GAPVD1: variants seen among roughly 807,000 people sequenced by gnomAD.
The protein encoded by GAPVD1 is GTPase-activating protein and VPS9 domain-containing protein 1.
A neutral mutation model predicts 155.5 loss-of-function variants in GAPVD1; 35 were observed. The observed-to-expected ratio is 0.23, with a 90% CI of 0.17 to 0.30. The LOEUF is 0.30. Among genes scored for constraint, GAPVD1 ranks in the 10% least tolerant of loss-of-function variants. GAPVD1 has a pLI of 1.00. For synonymous variants in GAPVD1, 636 were observed against 619.7 expected (o/e 1.03, Z -0.39); for missense variants, 1,429 against 1,775.7 (o/e 0.80, Z 3.51).
chr9:125,326,484 G>A lies in GAPVD1; in HGVS notation c.1927G>A (p.Asp643Asn). Reference protein sequence around the residue: ...FEIRDMMGLTDDRDISETVSE... With the variant: ...FEIRDMMGLTNDRDISETVSE... ...AATTCGTGACATGATGGGATTAACAGATGATAGGGACATATCAGAAACAGT... is the reference window on the plus strand; with the variant it reads ...AATTCGTGACATGATGGGATTAACAAATGATAGGGACATATCAGAAACAGT... Residue 643 changes from aspartate to asparagine, a missense_variant, in exon 12 of 28, where the codon GAT (aspartate) becomes AAT (asparagine). Physicochemically the swap from Asp to Asn is conservative, Grantham distance 23. Transcript: ENST00000297933. The A allele has an allele frequency of 6.2e-7, 1 of 1,608,436 alleles. No homozygotes were observed. Among genetic ancestry groups the A allele is most frequent in the Non-Finnish European group, 8.5e-7 (1 of 1,174,798 alleles).
chr9:125,277,462 A>T (rs1263645221), intron 2 of GAPVD1, among the ~76,000 whole-genome samples: 2 of 152,152 alleles, frequency 1.3e-5, no homozygotes, highest in Non-Finnish European at 2.9e-5. Flanking sequence ...GAATGTATAG[A>T]AGTGTAGTTT....
At chr9:125,359,810 G>A (rs1850659151) in intron 26 of GAPVD1, 1 of 257,978 alleles carries the variant, frequency 3.9e-6, no homozygotes, top group Non-Finnish European at 7.4e-6. Flanking sequence ...TTGAAGAAGT[G>A]GGAGGCTGAT....
chr9:125,315,603 C>T (rs1022932303), intron 9 of GAPVD1, among the ~76,000 whole-genome samples: 4 of 151,990 alleles, frequency 2.6e-5, no homozygotes, highest in Non-Finnish European at 5.9e-5. Flanking sequence ...CTGATCTTTC[C>T]CAGGGCCGAG....
intron 23 of GAPVD1, among the ~76,000 whole-genome samples, chr9:125,353,438 C>T (rs760343752): frequency 2.0e-4 from 30 of 152,188 alleles, no homozygotes; most frequent in Middle Eastern, 3.2e-3. Context: ...TCTGAGCCCT[C>T]CAAACTGTTC....
intron 10 of GAPVD1, 98 bp downstream of exon 10, chr9:125,321,660 C>T (rs899651234): frequency 9.1e-7 from 1 of 1,093,888 alleles, no homozygotes; most frequent in African/African-American, 1.6e-5. Flanking sequence ...ACCATCTGTG[C>T]TTCTCACTGA....
chr9:125,321,551 G>T lies in GAPVD1; in HGVS notation c.1721G>T (p.Gly574Val). 6.2e-7 allele frequency: 1 copy of T among 1,613,244 alleles called. No individual in the cohort carries two copies. Among genetic ancestry groups the T allele is most frequent in the South Asian group, 1.1e-5 (1 of 91,030 alleles). The change falls in exon 10 of 28, where the codon GGA becomes GTA. Residue 574 changes from glycine (G) to valine (V), a missense_variant. By Grantham distance (109) the Gly-to-Val change is moderately radical (BLOSUM62 -3). Transcript: ENST00000297933. Reference protein sequence around the residue: ...RFSLCSDNLEGISEGPSNRSN... With the variant: ...RFSLCSDNLEVISEGPSNRSN... ...TCCCTCTGCAGTGATAATCTGGAAGGAATATCTGAAGGTGAAGGGTTACTT... is the reference window on the plus strand; with the variant it reads ...TCCCTCTGCAGTGATAATCTGGAAGTAATATCTGAAGGTGAAGGGTTACTT...
chr9:125,340,057 GT>G (rs1456093154), intron 17 of GAPVD1, among the ~76,000 whole-genome samples: 2 of 152,160 alleles, frequency 1.3e-5, no homozygotes, highest in African/African-American at 4.8e-5. Context: ...GTCTCACTCT[GT>G]CGCCCAGGCT....
At chr9:125,264,046 G>T (rs1833421679) in intron 1 of GAPVD1, 1 of 1,064,262 alleles carries the variant, frequency 9.4e-7, no homozygotes. Flanking sequence ...TGGCCACCAT[G>T]ACTCCCTCCT....
At chr9:125,334,270 TAAAAAAAAA>T (rs780577226) in intron 15 of GAPVD1, among the ~76,000 whole-genome samples, 1 of 104,478 alleles carries the variant, frequency 9.6e-6, no homozygotes, top group Admixed American at 1.0e-4. Context: ...CACTCACAGT[TAAAAAAAAA>T]AAAAAAAAAA....
In GAPVD1 at chr9:125,312,468, C is replaced by T. The variant is rs112036323; in HGVS notation, c.1458C>T (p.Ser486=). 475 of 1,587,264 alleles carry T rather than the reference C, an allele frequency of 3.0e-4. 5 individuals are homozygous for T. The highest frequency in any genetic ancestry group is 2.9e-3 in the South Asian group (243 of 84,344). The change falls in exon 9 of 28, where the codon AGC becomes AGT. Residue 486 remains serine, a synonymous_variant. Coordinates refer to ENST00000297933, the MANE Select transcript of GAPVD1 (RefSeq NM_001282680.3). The part of the protein sequence containing the change: ...NRLPIATRSR[S]RTNMLMDLHM... Reference sequence around the variant, plus strand: ...TTTTATTAGCAACTCGGAGCAGAAGCCGCACCAATATGCTAATGGACCTAC... The same window carrying T: ...TTTTATTAGCAACTCGGAGCAGAAGTCGCACCAATATGCTAATGGACCTAC...
intron 2 of GAPVD1, among the ~76,000 whole-genome samples, chr9:125,293,011 A>G (rs1838853424): frequency 6.6e-6 from 1 of 152,164 alleles, no homozygotes; most frequent in African/African-American, 2.4e-5. Context: ...GAGAGAAGAA[A>G]CTTGAAGTAT....
intron 23 of GAPVD1, among the ~76,000 whole-genome samples, chr9:125,352,962 G>A (rs759918858): frequency 6.6e-6 from 1 of 152,076 alleles, no homozygotes; most frequent in Non-Finnish European, 1.5e-5. Flanking sequence ...CAAAAAATTA[G>A]CTAGGTATGG....
At position 125,302,749 on chromosome 9, in the gene GAPVD1, G is replaced by T; in HGVS notation, c.952G>T (p.Ala318Ser). Residue 318 changes from alanine to serine, a missense_variant, in exon 5 of 28, where the codon GCA (alanine) becomes TCA (serine). Physicochemically the swap from Ala to Ser is moderately conservative, Grantham distance 99. Coordinates refer to ENST00000297933, the MANE Select transcript of GAPVD1 (RefSeq NM_001282680.3). ...DLLLACFICPAVVNPEQYGII... is the reference protein window; with the variant it reads ...DLLLACFICPSVVNPEQYGII... The stretch of plus-strand genomic sequence containing the variant: ...CCTGTTGGCCTGCTTCATTTGTCCT[G>T]CAGTTGTCAATCCAGAACAATATGG... 6.2e-7 allele frequency: 1 copy of T among 1,614,060 alleles called. No homozygotes were observed. The highest frequency in any genetic ancestry group is 8.5e-7 in the Non-Finnish European group (1 of 1,179,978).
intron 9 of GAPVD1, among the ~76,000 whole-genome samples, chr9:125,313,593 G>A (rs528076414): frequency 3.1e-4 from 47 of 152,038 alleles, no homozygotes; most frequent in African/African-American, 7.0e-4. Flanking sequence ...GTGAGCCACC[G>A]TGCCCAGCCA....
At chr9:125,359,902 A>G (rs1277691247) in intron 26 of GAPVD1, 1 of 161,688 alleles carries the variant, frequency 6.2e-6, no homozygotes, top group Non-Finnish European at 1.3e-5. Context: ...TTAGTCATTG[A>G]TATTAGCATT....
In GAPVD1 at chr9:125,346,880, C is replaced by T. The variant is rs770448437; in HGVS notation, c.3108C>T (p.Tyr1036=). ...TGGCTGAGGATATTCTGGACAAATA[C>T]AGGAATGCCATTAAACGGACCAGCC... ...AQVAEDILDK[Y]RNAIKRTSPS... is the part of the protein sequence containing the mutation. The change falls in exon 20 of 28, where the codon TAC becomes TAT. Residue 1036 remains tyrosine, a synonymous_variant. Coordinates refer to ENST00000297933, the MANE Select transcript of GAPVD1 (RefSeq NM_001282680.3). 3 of 1,613,442 alleles carry T rather than the reference C, an allele frequency of 1.9e-6. No homozygotes were observed. The African/African-American group carries it at 4.0e-5, about 22-fold the overall frequency.
rs201109001 is a variant in GAPVD1, at chr9:125,291,031, CA to C, written c.-149-4426del. ...AAAAAAAGACTGGGCATAATGGCTT[CA>C]TCCCAGAACTTTGGGAGGCCAAGGC... On this transcript the variant is annotated intron_variant, in intron 2 of 27. Transcript: ENST00000297933. Among the ~76,000 whole-genome samples, 745 of 150,202 alleles carry C rather than the reference CA, an allele frequency of 5.0e-3. 9 individuals carry two copies. The highest frequency in any genetic ancestry group is 0.017 in the African/African-American group (698 of 40,904).
intron 2 of GAPVD1, among the ~76,000 whole-genome samples, chr9:125,272,178 C>T (rs907830706): frequency 6.6e-6 from 1 of 152,062 alleles, no homozygotes; most frequent in Non-Finnish European, 1.5e-5. Flanking sequence ...CGCCTGCCAC[C>T]CTGCCTGGCT....
At chr9:125,342,450 G>C (rs963263125) in intron 19 of GAPVD1, 151 bp downstream of exon 19, 3 of 597,222 alleles carry the variant, frequency 5.0e-6, no homozygotes, top group Non-Finnish European at 9.0e-6. Flanking sequence ...GTGGTTTCCA[G>C]TTGGTGGCCA....
Sources: allele counts gnomAD v4.1 joint callset (sites outside exome capture counted in the v4.1 genomes callset), GRCh38; gene constraint gnomAD v4.1.1; transcripts MANE v1.5; gene names NCBI Gene and HGNC (gene_info 2026-07-23, HGNC 2026-07-21).